Variants in CTTNBP2 observed in about 807,000 individuals in gnomAD.
The protein encoded by CTTNBP2 is cortactin binding protein 2, also known as cortactin-binding protein 2.
A neutral mutation model predicts 156.9 loss-of-function variants in CTTNBP2; 108 were observed. The ratio of observed to expected loss-of-function variants is 0.69; its 90% CI spans 0.59 to 0.81. The LOEUF is 0.81. CTTNBP2 is among the 30% of genes least tolerant of loss of function. The probability of loss-of-function intolerance (pLI) is 0.00; values close to 1 mark genes in which losing one functional copy is unlikely to be tolerated. For missense variants in CTTNBP2, 1,924 were observed against 2,035.4 expected, an observed-to-expected ratio of 0.95 and a Z score of 1.05; for synonymous variants, 767 against 751.8, an observed-to-expected ratio of 1.02 and a Z score of -0.33.
At chr7:117,845,491 G>A (rs992462600) in intron 2 of CTTNBP2, among the ~76,000 whole-genome samples, 5 of 151,992 alleles carry the variant, frequency 3.3e-5, no homozygotes, top group East Asian at 1.9e-4. Context: ...TCAATGAAGA[G>A]CATTTATTAC....
chr7:117,838,462 ATTC>A (rs1310821717), intron 2 of CTTNBP2, among the ~76,000 whole-genome samples: 1 of 152,212 alleles, frequency 6.6e-6, no homozygotes, highest in Admixed American at 6.5e-5. Context: ...ACTACAGCCA[ATTC>A]TTCTCTTTAG....
chr7:117,794,648 G>A (rs1268541101), intron 3 of CTTNBP2, among the ~76,000 whole-genome samples: 1 of 152,174 alleles, frequency 6.6e-6, no homozygotes, highest in African/African-American at 2.4e-5. Flanking sequence ...ACAACTAATG[G>A]TGAGAGATAG....
intron 3 of CTTNBP2, among the ~76,000 whole-genome samples, chr7:117,802,449 A>G (rs575337536): frequency 7.0e-6 from 1 of 142,794 alleles, no homozygotes; most frequent in African/African-American, 2.6e-5. Flanking sequence ...AAAAAAAAAA[A>G]AAAAAAAACA....
At chr7:117,872,865 C>T (rs1367290182) in intron 1 of CTTNBP2, among the ~76,000 whole-genome samples, 2 of 152,146 alleles carry the variant, frequency 1.3e-5, no homozygotes, top group Admixed American at 6.5e-5. Context: ...TGGGCGATGG[C>T]CCACCTCCCC....
chr7:117,794,927 G>A (rs564959763), intron 3 of CTTNBP2, among the ~76,000 whole-genome samples: 2,958 of 118,454 alleles, frequency 0.025, 105 homozygotes, highest in African/African-American at 0.092. Context: ...TCGCTCTGTC[G>A]CCCAGGCGGG....
rs1794771226 is a variant in CTTNBP2, at chr7:117,721,217, G to A, written c.4448-87C>T. The A allele has an allele frequency of 8.4e-6, 7 of 837,428 alleles. 1 individual carries two copies. In the South Asian group the frequency reaches 8.5e-5, roughly 10 times the overall value. The allele number at this position is 837,428 out of a possible 1,614,324, so 51.9% of individuals were successfully genotyped here. A position where few individuals can be genotyped will look rare whatever the true frequency, so the allele number is the denominator to read the frequency against. ...TTAAAAGAAACAGACTGTGGACTTTGCAGTACTTTCATACTGTTCTTGGAT... is the reference window on the plus strand; with the variant it reads ...TTAAAAGAAACAGACTGTGGACTTTACAGTACTTTCATACTGTTCTTGGAT... On this transcript the variant is annotated intron_variant, in intron 19 of 22. Transcript: ENST00000160373.
rs550814783 is a variant in CTTNBP2 at position 117,723,803 on chromosome 7, AG to A, written c.4447+743del. ...AGTCTTGCTCTGTCACTCAGCCTGG[AG>A]TGCAGTGGTGTGATCTCGGCTCACT... On this transcript the variant is annotated intron_variant, in intron 19 of 22. Transcript: ENST00000160373. Among the ~76,000 whole-genome samples, 17 of 143,670 alleles carry A rather than the reference AG, an allele frequency of 1.2e-4. No individual in the cohort carries two copies. The South Asian group carries it at 3.7e-3, about 32-fold the overall frequency. 94.3% of individuals were successfully genotyped at this position (143,670 alleles called of 152,430 possible).
chr7:117,770,475 C>G (rs1016293027), intron 8 of CTTNBP2, among the ~76,000 whole-genome samples: 2 of 152,182 alleles, frequency 1.3e-5, no homozygotes, highest in African/African-American at 4.8e-5. Flanking sequence ...TGACACTTAA[C>G]AACAACAGCT....
At chr7:117,768,775 A>G (rs1284632530) in intron 8 of CTTNBP2, among the ~76,000 whole-genome samples, 1 of 152,072 alleles carries the variant, frequency 6.6e-6, no homozygotes, top group African/African-American at 2.4e-5. Context: ...GGTTTGGTCT[A>G]TTTGTGAACT....
intron 2 of CTTNBP2, among the ~76,000 whole-genome samples, chr7:117,860,039 G>C (rs905369630): frequency 4.6e-5 from 7 of 152,100 alleles, no homozygotes; most frequent in Non-Finnish European, 8.8e-5. Flanking sequence ...CCTGTCACAG[G>C]TAACAATGTG....
At chr7:117,748,050 GTGC>G (rs202027276) in intron 12 of CTTNBP2, among the ~76,000 whole-genome samples, 2,474 of 152,210 alleles carry the variant, frequency 0.016, 22 homozygotes, top group South Asian at 0.032. Flanking sequence ...TACGGTGGAG[GTGC>G]AGGCAAGGAC....
intron 16 of CTTNBP2, among the ~76,000 whole-genome samples, chr7:117,729,805 G>T (rs1207287247): frequency 6.6e-6 from 1 of 152,056 alleles, no homozygotes; most frequent in African/African-American, 2.4e-5. Flanking sequence ...TTCAAAAGAA[G>T]AACTGACTAA....
At position 117,853,515 on chromosome 7, in the gene CTTNBP2, G is replaced by C. The variant is rs1803065725; in HGVS notation, c.189+7694C>G. Reference sequence around the variant, plus strand: ...AAATTTCTGCAAAAACCCATGACTTGTAGCTTAGCCACCCATGAGCTGGCT... The same window carrying C: ...AAATTTCTGCAAAAACCCATGACTTCTAGCTTAGCCACCCATGAGCTGGCT... On this transcript the variant is annotated intron_variant, in intron 2 of 22. Coordinates refer to ENST00000160373, the MANE Select transcript of CTTNBP2 (RefSeq NM_033427.3). 3.3e-5 allele frequency among the ~76,000 whole-genome samples: 5 copies of C among 152,090 alleles called. No homozygotes were observed. In the South Asian group the frequency reaches 1.0e-3, roughly 32 times the overall value.
chr7:117,819,367 T>TCTCTCTCTCTCTCA (rs1236694379), intron 2 of CTTNBP2, among the ~76,000 whole-genome samples: 9 of 130,706 alleles, frequency 6.9e-5, no homozygotes, highest in Non-Finnish European at 1.0e-4. Context: ...TCTCTCTCTC[T>TCTCTCTCTCTCTCA]CACACACACA....
intron 2 of CTTNBP2, among the ~76,000 whole-genome samples, chr7:117,858,413 T>C (rs1041843770): frequency 2.0e-5 from 3 of 152,246 alleles, no homozygotes; most frequent in Non-Finnish European, 4.4e-5. Flanking sequence ...AGAGCCTCCA[T>C]ATACACCGAG....
At chr7:117,760,351 T>G in intron 10 of CTTNBP2, 84 bp downstream of exon 10, 1 of 1,360,536 alleles carries the variant, frequency 7.4e-7, no homozygotes. Flanking sequence ...GCTTAATCAA[T>G]GAACTAAGAA....
At chr7:117,806,757 T>TGG (rs1799972995) in intron 3 of CTTNBP2, among the ~76,000 whole-genome samples, 3 of 142,496 alleles carry the variant, frequency 2.1e-5, no homozygotes, top group African/African-American at 8.0e-5. Context: ...TTTTTTTTTT[T>TGG]TTTTTTTTTT....
At position 117,811,004 on chromosome 7, in the gene CTTNBP2, G is replaced by A. The variant is rs207468452; in HGVS notation, c.190-15C>T. The A allele has an allele frequency of 6.1e-5, 96 of 1,565,486 alleles. No individual in the cohort carries two copies. The highest frequency in any genetic ancestry group is 7.8e-5 in the Non-Finnish European group (89 of 1,137,520). On this transcript the variant is annotated splice_polypyrimidine_tract_variant and intron_variant, in intron 2 of 22. Transcript: ENST00000160373. ...TTCCTGCGAGCCTGGAACAAAATTA[G>A]AGAAATGTATTGAAGAAAGAAATGA...
chr7:117,835,749 T>C (rs1801896024), intron 2 of CTTNBP2, among the ~76,000 whole-genome samples: 1 of 152,172 alleles, frequency 6.6e-6, no homozygotes, highest in African/African-American at 2.4e-5. Flanking sequence ...GGAAAGAGAC[T>C]GGAGATTATA....
Sources: gnomAD v4.1 joint callset for allele counts (sites outside exome capture counted in the v4.1 genomes callset) on GRCh38, gnomAD v4.1.1 for gene constraint, MANE v1.5 for transcripts, NCBI Gene and HGNC (gene_info 2026-07-23, HGNC 2026-07-21) for gene names.